Variants in TSEN2 observed in about 807,000 individuals in gnomAD.
The protein encoded by TSEN2 is tRNA-splicing endonuclease subunit Sen2.
A neutral mutation model predicts 59.2 loss-of-function variants in TSEN2; 54 were observed. The observed-to-expected ratio is 0.91, with a 90% CI of 0.73 to 1.14. TSEN2 has a LOEUF of 1.14. TSEN2 is among the 50% of genes most tolerant of loss of function. The pLI is 0.00. For synonymous variants in TSEN2, 195 were observed against 198.2 expected (o/e 0.98, Z 0.14); for missense variants, 636 against 576.2 (o/e 1.10, Z -1.06).
Position 12,489,873 on chromosome 3 carries a change from A to G in TSEN2, c.73A>G (p.Ile25Val), listed in dbSNP as rs370222616. The stretch of plus-strand genomic sequence containing the variant: ...TGAGACTTACGAGTCTCCATTGCCA[A>G]TCCCTTTTGGTCAGGACCATGGTCC... ...VYETYESPLP[I>V]PFGQDHGPLK... Residue 25 changes from isoleucine (I) to valine (V), a missense_variant, in exon 2 of 12, where the codon ATC becomes GTC. Transcript: ENST00000284995. 89 of 1,614,124 alleles carry G rather than the reference A, an allele frequency of 5.5e-5. 1 individual carries two copies. The South Asian group carries it at 7.1e-4, about 13-fold the overall frequency.
intron 4 of TSEN2, among the ~76,000 whole-genome samples, chr3:12,502,678 T>G (rs527299467): frequency 4.7e-4 from 62 of 132,064 alleles, no homozygotes; most frequent in African/African-American, 1.1e-3. Context: ...GTTTTTTTTG[T>G]TTTTTTTTTT....
chr3:12,487,204 G>C (rs116193476), intron 1 of TSEN2, among the ~76,000 whole-genome samples: 9,792 of 152,272 alleles, frequency 0.064, 691 homozygotes, highest in African/African-American at 0.17. Flanking sequence ...GGCTTTGCAT[G>C]TCTGGAAGGC....
At position 12,496,794 on chromosome 3, in the gene TSEN2, G is replaced by T. The variant is rs2053790943; in HGVS notation, c.308+240G>T. Among the ~76,000 whole-genome samples, 3 of 152,152 alleles carry T rather than the reference G, an allele frequency of 2.0e-5. No homozygotes were observed. In the South Asian group the frequency reaches 6.2e-4, roughly 32 times the overall value. On this transcript the variant is annotated intron_variant, in intron 4 of 11. Transcript: ENST00000284995. ...GCCAGTTGAATTCTTTCCAAATTATGAATAACTATCCTGTAATAGCTATGT... is the reference window on the plus strand; with the variant it reads ...GCCAGTTGAATTCTTTCCAAATTATTAATAACTATCCTGTAATAGCTATGT...
At chr3:12,519,825 C>T (rs1053759984) in intron 8 of TSEN2, among the ~76,000 whole-genome samples, 1 of 152,162 alleles carries the variant, frequency 6.6e-6, no homozygotes, top group Non-Finnish European at 1.5e-5. Context: ...TTGGGAGAGT[C>T]CCTTATCCCC....
Position 12,496,538 on chromosome 3 carries a change from A to G in TSEN2, c.292A>G (p.Ile98Val), listed in dbSNP as rs762441178. ...TCCAGATATGAAGACAAACATGCCT[A>G]TCATCACATCAAAGAGGTAAGTCAT... Reference protein sequence around the residue: ...KWKDMKTNMPIITSKRYQHSV... With the variant: ...KWKDMKTNMPVITSKRYQHSV... The change falls in exon 4 of 12, where the codon ATC (isoleucine) becomes GTC (valine). Residue 98 changes from isoleucine (I) to valine (V), a missense_variant. Physicochemically the swap from Ile to Val is conservative, Grantham distance 29 (BLOSUM62 3). Coordinates refer to ENST00000284995, the MANE Select transcript of TSEN2 (RefSeq NM_025265.4). The G allele has an allele frequency of 6.8e-6, 11 of 1,614,068 alleles. No homozygotes were observed. The Admixed American group carries it at 1.8e-4, about 27-fold the overall frequency.
chr3:12,530,248 A>G lies in TSEN2; in HGVS notation c.1248+375A>G, dbSNP rs1328927977. 1.1e-5 allele frequency: 11 copies of G among 1,016,434 alleles called. No individual in the cohort carries two copies. The South Asian group carries it at 4.4e-4, about 40-fold the overall frequency. 63.0% of individuals were successfully genotyped at this position (1,016,434 alleles called of 1,614,324 possible). ...CACATATTCACAAAGGAGTCAAAAC[A>G]TTGAAAGTTTGCAGATCTCTTAGAG... On this transcript the variant is annotated intron_variant, in intron 10 of 11. Transcript: ENST00000284995.
rs1435859569 is a variant in TSEN2 at position 12,517,262 on chromosome 3, G to A, written c.960+601G>A. On this transcript the variant is annotated intron_variant, in intron 7 of 11. Transcript: ENST00000284995. The stretch of plus-strand genomic sequence containing the variant: ...AGTTCCAGCTAATCAAGAGGCTGAG[G>A]CAGGAGAATGGCATGAACCTGGGAG... Among the ~76,000 whole-genome samples the A allele has an allele frequency of 3.4e-5, 5 of 148,728 alleles. No homozygotes were observed. In the East Asian group the frequency reaches 9.7e-4, roughly 29 times the overall value.
intron 1 of TSEN2, among the ~76,000 whole-genome samples, chr3:12,485,392 G>A (rs898171734): frequency 4.0e-5 from 1 of 25,042 alleles, no homozygotes; most frequent in Non-Finnish European, 7.3e-5. Flanking sequence ...AGAATATGCA[G>A]CTCTGGAGTC....
At chr3:12,490,990 TTTTTTTTG>T (rs1196866842) in intron 2 of TSEN2, among the ~76,000 whole-genome samples, 1 of 35,732 alleles carries the variant, frequency 2.8e-5, no homozygotes, top group African/African-American at 2.8e-4. Flanking sequence ...TTGCTGGGTG[TTTTTTTTG>T]TTTGTTTTTT....
rs709160 is a variant in TSEN2 at position 12,484,903 on chromosome 3, G to C, written c.-18+23G>C. The C allele has an allele frequency of 0.55, 83,023 of 152,124 alleles. 24,464 individuals carry two copies. The highest frequency in any genetic ancestry group is 0.76 in the African/African-American group (31,615 of 41,494). The allele number at this position is 152,124 out of a possible 1,614,324, so 9.4% of individuals were successfully genotyped here. A position where few individuals can be genotyped will look rare whatever the true frequency, so the allele number is the denominator to read the frequency against. ...GGGGTAAGACAGGGAGTTAGGAATT[G>C]GCGGGGCCCCTAACGCTGTTGGGGT... On this transcript the variant is annotated intron_variant, in intron 1 of 11. Coordinates refer to ENST00000284995, the MANE Select transcript of TSEN2 (RefSeq NM_025265.4).
At chr3:12,535,104 A>G (rs1042312344), downstream of TSEN2, among the ~76,000 whole-genome samples, 20 of 152,214 alleles carry the variant, frequency 1.3e-4, no homozygotes, top group African/African-American at 4.1e-4. Flanking sequence ...TTTAAGAAAA[A>G]AAAATTCTAT....
chr3:12,532,334 C>T (rs111636801), intron 11 of TSEN2, among the ~76,000 whole-genome samples: 5 of 152,158 alleles, frequency 3.3e-5, no homozygotes, highest in Admixed American at 6.5e-5. Flanking sequence ...TAGCTGGCCC[C>T]GTTACAGCAA....
chr3:12,500,109 C>T (rs938869581), intron 4 of TSEN2, among the ~76,000 whole-genome samples: 2 of 152,204 alleles, frequency 1.3e-5, no homozygotes, highest in African/African-American at 2.4e-5. Flanking sequence ...TGCTTCCAGT[C>T]GTGGCTGCTG....
downstream of TSEN2, among the ~76,000 whole-genome samples, chr3:12,536,981 G>A (rs965012445): frequency 6.7e-6 from 1 of 148,436 alleles, no homozygotes; most frequent in African/African-American, 2.5e-5. Context: ...TCCAGCCTGG[G>A]CAACAAGAGC....
chr3:12,505,537 C>G (rs2054721501), intron 6 of TSEN2: 1 of 305,774 alleles, frequency 3.3e-6, no homozygotes, highest in Non-Finnish European at 6.4e-6. Context: ...ACCTGTGATC[C>G]CAGCACTTTG....
At chr3:12,483,074 G>C (rs1345894298), upstream of TSEN2, among the ~76,000 whole-genome samples, 1 of 152,194 alleles carries the variant, frequency 6.6e-6, no homozygotes, top group Admixed American at 6.5e-5. Context: ...CAAGCCCACA[G>C]TGCAGTTCAA....
chr3:12,485,585 G>C (rs1331969769), intron 1 of TSEN2, among the ~76,000 whole-genome samples: 1 of 152,192 alleles, frequency 6.6e-6, no homozygotes, highest in South Asian at 2.1e-4. Flanking sequence ...GTTAAAATCA[G>C]CTGGGTCCAC....
chr3:12,537,599 A>G (rs916206369), downstream of TSEN2, among the ~76,000 whole-genome samples: 1 of 152,124 alleles, frequency 6.6e-6, no homozygotes, highest in Admixed American at 6.6e-5. Context: ...GTTTCTGCAC[A>G]TACTAGGTAC....
At chr3:12,509,898 G>A (rs2055249939) in intron 6 of TSEN2, among the ~76,000 whole-genome samples, 1 of 152,190 alleles carries the variant, frequency 6.6e-6, no homozygotes, top group African/African-American at 2.4e-5. Context: ...AAATTCAGAT[G>A]CCGAAGGGTA....
Sources: gnomAD v4.1 joint callset for allele counts (sites outside exome capture counted in the v4.1 genomes callset) on GRCh38, gnomAD v4.1.1 for gene constraint, MANE v1.5 for transcripts, NCBI Gene and HGNC (gene_info 2026-07-23, HGNC 2026-07-21) for gene names.